The following ATP11A variants were observed in gnomAD, a reference collection of about 807,000 sequenced individuals.
ATP11A encodes the protein phospholipid-transporting ATPase IH.
ATP11A carries 81 observed loss-of-function variants against 154.4 expected under a neutral mutation model. That is an observed-to-expected ratio of 0.52 (90% confidence interval 0.44 to 0.63). The LOEUF is 0.63. Ranked by LOEUF, ATP11A falls within the 30% of genes least tolerant of loss-of-function variation. ATP11A has a pLI of 0.00. For synonymous variants in ATP11A, 623 were observed against 585.9 expected (o/e 1.06, Z -0.91); for missense variants, 1,316 against 1,474.3 (o/e 0.89, Z 1.76).
chr13:112,834,493 TGAAAAGAACGC>T, intron 14 of ATP11A, 85 bp from the exon 15 acceptor site: 2 of 787,142 alleles, frequency 2.5e-6, no homozygotes, highest in Admixed American at 2.2e-5. Flanking sequence ...ATTTCTTTTT[TGAAAAGAACGC>T]TTTACCAAAA....
rs1322964813 is a variant in ATP11A at position 112,807,887 on chromosome 13, G to T, written c.333+1594G>T. ...CAAGGGGCTGAGGCTCTATGGCTCT[G>T]TTCTTTCCAGCCTGGCCCCAGGAGG... On this transcript the variant is annotated intron_variant, in intron 4 of 29. Coordinates refer to ENST00000375645, the MANE Select transcript of ATP11A (RefSeq NM_015205.3). This position sits in a 1 kb window ranked among gnomAD's most constrained non-coding sequence, Gnocchi z 4.5. Among the ~76,000 whole-genome samples, 1 of 152,176 alleles carries T rather than the reference G, an allele frequency of 6.6e-6. No homozygotes were observed. The highest frequency in any genetic ancestry group is 1.5e-5 in the Non-Finnish European group (1 of 68,026).
rs1885837810 is a variant in ATP11A, at chr13:112,696,612, C to T, written c.39+6157C>T. The stretch of plus-strand genomic sequence containing the variant: ...GTGCTCATTTTTGGCTTCCAGCTAC[C>T]GTTTTTCTTAGGTTACCCCGCGTAG... On this transcript the variant is annotated intron_variant, in intron 1 of 29. Transcript: ENST00000375645. This position sits in a 1 kb window ranked among gnomAD's most constrained non-coding sequence, Gnocchi z 6.2. Among the ~76,000 whole-genome samples the T allele has an allele frequency of 6.6e-6, 1 of 152,108 alleles. No individual in the cohort carries two copies. The highest frequency in any genetic ancestry group is 2.1e-4 in the South Asian group (1 of 4,816).
intron 16 of ATP11A, among the ~76,000 whole-genome samples, chr13:112,837,825 C>T (rs114900431): frequency 3.3e-5 from 5 of 151,682 alleles, no homozygotes; most frequent in Non-Finnish European, 5.9e-5. Context: ...CCTAAGACCC[C>T]GAAGGAGCTG....
chr13:112,769,578 C>G (rs1379224872), intron 1 of ATP11A, among the ~76,000 whole-genome samples: 1 of 152,226 alleles, frequency 6.6e-6, no homozygotes, highest in Non-Finnish European at 1.5e-5. Flanking sequence ...CAGAGCCGGC[C>G]CATAGCTCAG....
In ATP11A at chr13:112,696,277, G is replaced by A. The variant is rs759669787; in HGVS notation, c.39+5822G>A. On this transcript the variant is annotated intron_variant, in intron 1 of 29. Transcript: ENST00000375645. This position sits in a 1 kb window ranked among gnomAD's most constrained non-coding sequence, Gnocchi z 6.2. ...TCCATGCTTCTGGGCTTCTTAAGGA[G>A]ACCGCCTCTCACCTTGGGCTTTCCG... Among the ~76,000 whole-genome samples, 1 of 152,208 alleles carries A rather than the reference G, an allele frequency of 6.6e-6. No homozygotes were observed. Among genetic ancestry groups the A allele is most frequent in the Non-Finnish European group, 1.5e-5 (1 of 68,034 alleles).
rs144479308 is a variant in ATP11A at position 112,768,223 on chromosome 13, C to G, written c.40-16912C>G. Among the ~76,000 whole-genome samples the G allele has an allele frequency of 5.9e-4, 90 of 152,376 alleles. No individual in the cohort carries two copies. In the East Asian group the frequency reaches 0.017, roughly 29 times the overall value. Reference sequence around the variant, plus strand: ...CGGCCCTGTGATGAGCTACATGGGACACAAGAGGCAGCCCCAGGCGCCCGC... The same window carrying G: ...CGGCCCTGTGATGAGCTACATGGGAGACAAGAGGCAGCCCCAGGCGCCCGC... On this transcript the variant is annotated intron_variant, in intron 1 of 29. Coordinates refer to ENST00000375645, the MANE Select transcript of ATP11A (RefSeq NM_015205.3).
intron 17 of ATP11A, among the ~76,000 whole-genome samples, chr13:112,842,983 CG>C (rs1404650312): frequency 6.6e-6 from 1 of 152,252 alleles, no homozygotes; most frequent in African/African-American, 2.4e-5. Context: ...CTCCCCTCCC[CG>C]TCAGACGCGC....
At chr13:112,783,774 G>T (rs150610647) in intron 1 of ATP11A, among the ~76,000 whole-genome samples, 13 of 152,240 alleles carry the variant, frequency 8.5e-5, no homozygotes, top group African/African-American at 3.1e-4. Flanking sequence ...TGGATTTCCC[G>T]TTACGAGCTA....
intron 1 of ATP11A, among the ~76,000 whole-genome samples, chr13:112,742,876 C>CT (rs1891704185): frequency 6.6e-6 from 1 of 152,232 alleles, no homozygotes; most frequent in Non-Finnish European, 1.5e-5. Flanking sequence ...TGTAGCGAGA[C>CT]TTTCTGCAGA....
At chr13:112,737,225 A>C (rs1891083892) in intron 1 of ATP11A, among the ~76,000 whole-genome samples, 1 of 152,124 alleles carries the variant, frequency 6.6e-6, no homozygotes, top group Non-Finnish European at 1.5e-5. Flanking sequence ...GCAGAGGTCA[A>C]AGTGGATGAG....
chr13:112,851,426 G>T (rs1267098896), intron 18 of ATP11A: 1 of 460,874 alleles, frequency 2.2e-6, no homozygotes. Flanking sequence ...TGTCCATGAA[G>T]AAGATGCCTG....
intron 24 of ATP11A, chr13:112,860,633 G>T: frequency 1.9e-6 from 1 of 524,526 alleles, no homozygotes; most frequent in South Asian, 2.7e-5. Context: ...GCTGCATTTG[G>T]AACATCTGTG....
At position 112,754,460 on chromosome 13, in the gene ATP11A, C is replaced by G. The variant is rs2076769431; in HGVS notation, c.40-30675C>G. The G allele has an allele frequency of 8.1e-6, 1 of 124,206 alleles. No homozygotes were observed. The highest frequency in any genetic ancestry group is 1.9e-5 in the Non-Finnish European group (1 of 53,656). The allele number at this position is 124,206 out of a possible 1,614,324, so 7.7% of individuals were successfully genotyped here. A position where few individuals can be genotyped will look rare whatever the true frequency, so the allele number is the denominator to read the frequency against. ...AGGTGCCACCCCACAGCCCTGCTCT[C>G]CCGCCGAGGAAACTGAGTACTGGGC... On this transcript the variant is annotated intron_variant, in intron 1 of 29. Transcript: ENST00000375645. This position sits in a 1 kb window ranked among gnomAD's most constrained non-coding sequence, Gnocchi z 5.3.
intron 25 of ATP11A, among the ~76,000 whole-genome samples, chr13:112,868,849 C>T (rs1190010441): frequency 6.6e-6 from 1 of 152,114 alleles, no homozygotes; most frequent in Admixed American, 6.5e-5. Context: ...GGGGAGGCCT[C>T]AGGAAACTTA....
Position 112,859,279 on chromosome 13 carries a change from C to T in ATP11A, c.2668-114C>T, listed in dbSNP as rs545152333. On this transcript the variant is annotated intron_variant, in intron 22 of 29. Coordinates refer to ENST00000375645, the MANE Select transcript of ATP11A (RefSeq NM_015205.3). The surrounding 1 kb of genome is among the most constrained non-coding windows in gnomAD (Gnocchi z 4.3). ...CTAGAACCCATTAGTGCTGTTCTGC[C>T]GCACGCTGGGTGCACGTGGATCCCT... 2.3e-5 allele frequency: 19 copies of T among 827,842 alleles called. No homozygotes were observed. The highest frequency in any genetic ancestry group is 8.6e-5 in the Admixed American group (5 of 58,350). 51.3% of individuals were successfully genotyped at this position (827,842 alleles called of 1,614,324 possible).
chr13:112,781,784 CA>C (rs748401969), intron 1 of ATP11A, among the ~76,000 whole-genome samples: 11,720 of 101,282 alleles, frequency 0.12, 593 homozygotes, highest in African/African-American at 0.23. Flanking sequence ...TTTCACTTTG[CA>C]AAAAAAAAAA....
At chr13:112,744,616 G>A (rs7982564) in intron 1 of ATP11A, among the ~76,000 whole-genome samples, 36,841 of 152,084 alleles carry the variant, frequency 0.24, 6,042 homozygotes, top group African/African-American at 0.47. Flanking sequence ...TGCACTTCTC[G>A]GGCTCGTTGG....
intron 4 of ATP11A, among the ~76,000 whole-genome samples, chr13:112,806,680 T>A (rs2078331156): frequency 6.6e-6 from 1 of 152,126 alleles, no homozygotes; most frequent in African/African-American, 2.4e-5. Flanking sequence ...TTGCTTTTTT[T>A]TTTCATAGCC....
intron 5 of ATP11A, chr13:112,811,634 C>T (rs1218443315): frequency 6.6e-6 from 1 of 152,124 alleles, no homozygotes; most frequent in Non-Finnish European, 1.5e-5. Flanking sequence ...GAGACAGAGT[C>T]TTGCTCTGTC....
Sources: gnomAD v4.1 joint callset for allele counts (sites outside exome capture counted in the v4.1 genomes callset) on GRCh38, gnomAD v4.1.1 for gene constraint, Gnocchi (gnomAD v3.1) non-coding constraint, MANE v1.5 for transcripts, NCBI Gene and HGNC (gene_info 2026-07-23, HGNC 2026-07-21) for gene names.